The following TRMT112 variants were observed in gnomAD, a reference collection of about 807,000 sequenced individuals.
The protein encoded by TRMT112 is multifunctional methyltransferase subunit TRM112-like protein.
In TRMT112, 9 loss-of-function variants were observed where a neutral mutation model predicts 13.8. The observed-to-expected ratio is 0.65, with a 90% CI of 0.39 to 1.14. TRMT112 has a LOEUF of 1.14. Ranked by LOEUF, TRMT112 falls within the 50% of genes most tolerant of loss-of-function variation. The pLI is 0.01. For missense variants in TRMT112, 196 were observed against 165.5 expected, an observed-to-expected ratio of 1.18 and a Z score of -1.01; for synonymous variants, 64 against 67.0, an observed-to-expected ratio of 0.96 and a Z score of 0.22.
Position 64,317,532 on chromosome 11 carries a change from C to G in TRMT112, c.-6G>C. ...TTGTGGGTAAGCAGTTTCATGTCGC[C>G]GCACAAACTCTCGCCAGGCCGGAAC... On this transcript the variant is annotated 5_prime_UTR_variant, in exon 1 of 4. Coordinates refer to ENST00000544844, the MANE Select transcript of TRMT112 (RefSeq NM_016404.3). The G allele has an allele frequency of 6.4e-7, 1 of 1,556,754 alleles. No homozygotes were observed.
In TRMT112 at chr11:64,317,038, A is replaced by G. The variant is rs769178375; in HGVS notation, c.270+20T>C. On this transcript the variant is annotated intron_variant, in intron 3 of 3. Coordinates refer to ENST00000544844, the MANE Select transcript of TRMT112 (RefSeq NM_016404.3). ...CGGGAGGCAGGTGGCCCGGGAAGCA[A>G]GTGATGGGCCGCTTCTCACCTCCAG... 7.4e-6 allele frequency: 12 copies of G among 1,613,812 alleles called. No homozygotes were observed. In the African/African-American group the frequency reaches 1.5e-4, roughly 20 times the overall value.
At chr11:64,318,235 G>C (rs1323005952), upstream of TRMT112, 1 of 1,611,868 alleles carries the variant, frequency 6.2e-7, no homozygotes, top group Admixed American at 1.7e-5. Context: ...GCTGGCGTGT[G>C]CGCCCTGAGA....
At position 64,316,806 on chromosome 11, in the gene TRMT112, GTA is replaced by G; in HGVS notation, c.*53_*54del. On this transcript the variant is annotated 3_prime_UTR_variant, in exon 4 of 4. Transcript: ENST00000544844. ...ACACACGGCAGAATTCGGAAACAGG[GTA>G]TAGATCAACAAAAATACACAGTCAT... 2 of 1,217,226 alleles carry G rather than the reference GTA, an allele frequency of 1.6e-6. No individual in the cohort carries two copies. The highest frequency in any genetic ancestry group is 2.7e-4 in the Middle Eastern group (1 of 3,712). 75.4% of individuals were successfully genotyped at this position (1,217,226 alleles called of 1,614,324 possible).
At chr11:64,318,310 G>A (rs886617487), upstream of TRMT112, 5 of 1,612,616 alleles carry the variant, frequency 3.1e-6, no homozygotes, top group Non-Finnish European at 3.4e-6. Context: ...GCAGCAAGAC[G>A]GTACAGTGAA....
At chr11:64,318,181 C>T (rs369360548), upstream of TRMT112, 5 of 1,609,280 alleles carry the variant, frequency 3.1e-6, no homozygotes, top group East Asian at 4.5e-5. Context: ...GTGGCACCAG[C>T]CAGGAGGCGG....
Position 64,317,070 on chromosome 11 carries a change from G to T in TRMT112, c.258C>A (p.His86Gln). The T allele has an allele frequency of 6.2e-7, 1 of 1,614,184 alleles. No homozygotes were observed. Among genetic ancestry groups the T allele is most frequent in the Non-Finnish European group, 8.5e-7 (1 of 1,180,024 alleles). ...ENEEFLRTMH[H>Q]LLLEVEVIEG... Reference sequence around the variant, plus strand: ...GGCCGCTTCTCACCTCCAGCAGCAGGTGGTGCATGGTCCTCAGAAACTCCT... The same window carrying T: ...GGCCGCTTCTCACCTCCAGCAGCAGTTGGTGCATGGTCCTCAGAAACTCCT... Residue 86 changes from histidine (H) to glutamine (Q), a missense_variant, in exon 3 of 4, where the codon CAC becomes CAA. By Grantham distance (24) the His-to-Gln change is conservative. Coordinates refer to ENST00000544844, the MANE Select transcript of TRMT112 (RefSeq NM_016404.3).
In TRMT112 at chr11:64,317,436, C is replaced by G. The variant is rs747870648; in HGVS notation, c.78+13G>C. The G allele has an allele frequency of 8.1e-6, 13 of 1,612,628 alleles. No homozygotes were observed. Among genetic ancestry groups the G allele is most frequent in the Non-Finnish European group, 1.1e-5 (13 of 1,179,374 alleles). ...ATCCCGCCCGAAAAGGGAAGACTGC[C>G]GCCGGCGGGTACCTGGAGGCGCAGG... On this transcript the variant is annotated intron_variant, in intron 1 of 3. Coordinates refer to ENST00000544844, the MANE Select transcript of TRMT112 (RefSeq NM_016404.3).
rs572460127 is a variant in TRMT112 at position 64,316,642 on chromosome 11, C to T, written c.*219G>A. On this transcript the variant is annotated 3_prime_UTR_variant, in exon 4 of 4. Transcript: ENST00000544844. ...GCAAGCCAGGGCCCAGAGCCCTTGG[C>T]TGTACAGAGACTCTATTTTAATGTA... 1.5e-3 allele frequency: 817 copies of T among 545,812 alleles called. 10 individuals carry two copies. In the South Asian group the frequency reaches 0.017, roughly 11 times the overall value. The allele number at this position is 545,812 out of a possible 1,614,324, so 33.8% of individuals were successfully genotyped here.
Position 64,317,090 on chromosome 11 carries a change from ACTC to A in TRMT112, c.235_237del (p.Glu79del), listed in dbSNP as rs777985467. The stretch of plus-strand genomic sequence containing the variant: ...AGCAGGTGGTGCATGGTCCTCAGAA[ACTC>A]CTCATTCTCCTCATATCCCTCAACC... On this transcript the variant is annotated inframe_deletion, in exon 3 of 4. Transcript: ENST00000544844. 1.2e-6 allele frequency: 2 copies of A among 1,613,586 alleles called. No homozygotes were observed. The highest frequency in any genetic ancestry group is 1.7e-6 in the Non-Finnish European group (2 of 1,179,906).
upstream of TRMT112, chr11:64,317,704 C>T: frequency 2.6e-6 from 2 of 779,544 alleles, no homozygotes; most frequent in African/African-American, 3.5e-5. Flanking sequence ...CCTGTCGGGT[C>T]ACGCGCCGCT....
upstream of TRMT112, chr11:64,317,922 C>T: frequency 7.3e-7 from 1 of 1,370,658 alleles, no homozygotes; most frequent in South Asian, 1.6e-5. Flanking sequence ...AAATACCGCC[C>T]TATCTGTAAA....
chr11:64,316,866 T>C lies in TRMT112; in HGVS notation c.373A>G (p.Ser125Gly), dbSNP rs373334294. 6.3e-7 allele frequency: 1 copy of C among 1,579,134 alleles called. No homozygotes were observed. The highest frequency in any genetic ancestry group is 1.1e-5 in the South Asian group (1 of 90,354). ...NMLLSEEETE[S>G] ...AAAACTGGCGCCTGGCACAATCAAC[T>C]CTCAGTTTCCTCTTCACTCAGCAGC... is the stretch of plus-strand genomic sequence containing the variant. The change falls in exon 4 of 4, where the codon AGT (serine) becomes GGT (glycine). Residue 125 changes from serine (S) to glycine (G), a missense_variant. Transcript: ENST00000544844.
At chr11:64,317,755 C>T, upstream of TRMT112, 1 of 761,364 alleles carries the variant, frequency 1.3e-6, no homozygotes, top group Non-Finnish European at 2.0e-6. Flanking sequence ...GGCGCACGCC[C>T]AGCTTTTTTT....
rs947009213 is a variant in TRMT112, at chr11:64,316,902, T to A, written c.337A>T (p.Ile113Phe). Residue 113 changes from isoleucine (I) to phenylalanine (F), a missense_variant, in exon 4 of 4, where the codon ATC becomes TTC. Coordinates refer to ENST00000544844, the MANE Select transcript of TRMT112 (RefSeq NM_016404.3). ...TCTTCACTCAGCAGCATGTTGGGGA[T>A]CCCGCGGCTGATGGGGAACATACGT... The part of the protein sequence containing the change: ...SGRMFPISRG[I>F]PNMLLSEEET... 1.9e-6 allele frequency: 3 copies of A among 1,610,164 alleles called. No individual in the cohort carries two copies. The African/African-American group carries it at 4.0e-5, about 22-fold the overall frequency.
chr11:64,318,194 T>C (rs765576811), upstream of TRMT112: 50 of 1,609,474 alleles, frequency 3.1e-5, no homozygotes, highest in Non-Finnish European at 3.8e-5. Flanking sequence ...GGAGGCGGAG[T>C]GGAAGTGGCC....
At chr11:64,318,429 C>G, upstream of TRMT112, 2 of 1,565,186 alleles carry the variant, frequency 1.3e-6, no homozygotes, top group Non-Finnish European at 1.7e-6. Context: ...CCACTACCCC[C>G]ATGGCAATCC....
chr11:64,318,084 C>G (rs539515053), upstream of TRMT112: 5 of 1,454,506 alleles, frequency 3.4e-6, no homozygotes, highest in South Asian at 7.2e-5. Context: ...TGCGGGTGGC[C>G]GCTCGCGCCT....
upstream of TRMT112, chr11:64,318,293 G>C (rs942159937): frequency 6.2e-7 from 1 of 1,612,372 alleles, no homozygotes; most frequent in African/African-American, 1.3e-5. Context: ...GTCAGTCTGC[G>C]GCAGCGGCAG....
rs528731236 is a variant in TRMT112 at position 64,317,167 on chromosome 11, A to G, written c.181-20T>C. 1.2e-6 allele frequency: 2 copies of G among 1,613,336 alleles called. No individual in the cohort carries two copies. Among genetic ancestry groups the G allele is most frequent in the African/African-American group, 2.7e-5 (2 of 74,978 alleles). Reference sequence around the variant, plus strand: ...ACGCAACTGTGGGCAAGAGGCCAAAATTATCTCCGGGCATCCCGAACTCCC... The same window carrying G: ...ACGCAACTGTGGGCAAGAGGCCAAAGTTATCTCCGGGCATCCCGAACTCCC... On this transcript the variant is annotated intron_variant, in intron 2 of 3. Coordinates refer to ENST00000544844, the MANE Select transcript of TRMT112 (RefSeq NM_016404.3).
Sources: gnomAD v4.1 joint callset for allele counts on GRCh38, gnomAD v4.1.1 for gene constraint, MANE v1.5 for transcripts, NCBI Gene and HGNC (gene_info 2026-07-23, HGNC 2026-07-21) for gene names.